The following PLEKHF1 variants were observed in gnomAD, a reference collection of about 807,000 sequenced individuals.
PLEKHF1 encodes the protein pleckstrin homology and FYVE domain containing 1, also known as pleckstrin homology domain-containing family F member 1.
PLEKHF1 carries 1 observed loss-of-function variant against 4.1 expected under a neutral mutation model. The observed-to-expected ratio is 0.24, with a 90% CI of 0.09 to 1.15. The LOEUF (loss-of-function observed/expected upper bound fraction) is 1.15. PLEKHF1 is among the 50% of genes most tolerant of loss of function. The probability of loss-of-function intolerance (pLI) is 0.52; values close to 1 mark genes in which losing one functional copy is unlikely to be tolerated. For missense variants in PLEKHF1, 429 were observed against 400.6 expected (o/e 1.07, Z -0.60); for synonymous variants, 182 against 178.5 (o/e 1.02, Z -0.16).
intron 1 of PLEKHF1, among the ~76,000 whole-genome samples, chr19:29,668,537 G>C (rs1029942658): frequency 6.6e-6 from 1 of 151,912 alleles, no homozygotes; most frequent in Non-Finnish European, 1.5e-5. Context: ...CTAAGCAACA[G>C]AGTGAACCCT....
chr19:29,674,308 A>G lies in PLEKHF1; in HGVS notation c.469A>G (p.Ile157Val). 6.3e-7 allele frequency: 1 copy of G among 1,589,368 alleles called. No homozygotes were observed. Among genetic ancestry groups the G allele is most frequent in the Non-Finnish European group, 8.5e-7 (1 of 1,174,470 alleles). The change falls in exon 2 of 2, where the codon ATC becomes GTC. Residue 157 changes from isoleucine to valine, a missense_variant. Coordinates refer to ENST00000436066, the MANE Select transcript of PLEKHF1 (RefSeq NM_024310.5). ...APWIPDKATD[I>V]CMRCTQTRFS... is the part of the protein sequence containing the mutation. Reference sequence around the variant, plus strand: ...CTGGATCCCCGACAAGGCCACGGACATCTGCATGCGCTGCACGCAGACGCG... The same window carrying G: ...CTGGATCCCCGACAAGGCCACGGACGTCTGCATGCGCTGCACGCAGACGCG...
At position 29,670,827 on chromosome 19, in the gene PLEKHF1, G is replaced by A. The variant is rs568047293; in HGVS notation, c.-16-2997G>A. On this transcript the variant is annotated intron_variant, in intron 1 of 1. Transcript: ENST00000436066. ...CGAGTAGCTGGGACTACAGGCGCTC[G>A]CCACCACACCAGGCTAATTTTTTGT... Among the ~76,000 whole-genome samples the A allele has an allele frequency of 1.4e-4, 21 of 152,066 alleles. No individual in the cohort carries two copies. The South Asian group carries it at 4.1e-3, about 30-fold the overall frequency.
In PLEKHF1 at chr19:29,674,062, C is replaced by G. The variant is rs779103546; in HGVS notation, c.223C>G (p.Arg75Gly). ...CATCGTGCTCAACAAGCGCAAGTAC[C>G]GCAGCCAGCACATCATCCCCCTGGA... is the stretch of plus-strand genomic sequence containing the variant. ...GSIVLNKRKYRSQHIIPLEEV... is the reference protein window; with the variant it reads ...GSIVLNKRKYGSQHIIPLEEV... The change falls in exon 2 of 2, where the codon CGC (arginine) becomes GGC (glycine). Residue 75 changes from arginine (R) to glycine (G), a missense_variant. Coordinates refer to ENST00000436066, the MANE Select transcript of PLEKHF1 (RefSeq NM_024310.5). 1 of 1,614,098 alleles carries G rather than the reference C, an allele frequency of 6.2e-7. No individual in the cohort carries two copies. The highest frequency in any genetic ancestry group is 8.5e-7 in the Non-Finnish European group (1 of 1,180,000).
In PLEKHF1 at chr19:29,665,488, G is replaced by C. The variant is rs1011449594; in HGVS notation, c.-34G>C. The C allele has an allele frequency of 1.8e-6, 2 of 1,133,854 alleles. No individual in the cohort carries two copies. The highest frequency in any genetic ancestry group is 3.4e-5 in the African/African-American group (2 of 58,790). The allele number at this position is 1,133,854 out of a possible 1,614,324, so 70.2% of individuals were successfully genotyped here. ...TGCGGTGTGGACTCGAGGGCTGGGC[G>C]CGGGGCCGGCGCAGAAGGTGAGTCC... On this transcript the variant is annotated 5_prime_UTR_variant, in exon 1 of 2. Coordinates refer to ENST00000436066, the MANE Select transcript of PLEKHF1 (RefSeq NM_024310.5).
Position 29,673,934 on chromosome 19 carries a change from C to G in PLEKHF1, c.95C>G (p.Pro32Arg), listed in dbSNP as rs373632203. ...FGASGQPLAL[P>R]GRVLLGEGVL... is the part of the protein sequence containing the mutation. ...GCCTCGGGGCAGCCGCTGGCGCTGC[C>G]AGGCCGAGTGCTGCTGGGCGAGGGC... The change falls in exon 2 of 2, where the codon CCA becomes CGA. Residue 32 changes from proline (P) to arginine (R), a missense_variant. Transcript: ENST00000436066. 213 of 1,613,374 alleles carry G rather than the reference C, an allele frequency of 1.3e-4. No individual in the cohort carries two copies. The highest frequency in any genetic ancestry group is 1.7e-4 in the Non-Finnish European group (205 of 1,179,812).
At position 29,674,938 on chromosome 19, in the gene PLEKHF1, G is replaced by A; in HGVS notation, c.*259G>A. 4.1e-6 allele frequency: 2 copies of A among 486,992 alleles called. No homozygotes were observed. The highest frequency in any genetic ancestry group is 7.2e-6 in the Non-Finnish European group (2 of 276,812). The allele number at this position is 486,992 out of a possible 1,614,324, so 30.2% of individuals were successfully genotyped here. Reference sequence around the variant, plus strand: ...GGTAACAAACGCCACCTTACACTCTGCAGGCTGCAGCGGCAGCTCCAGATG... The same window carrying A: ...GGTAACAAACGCCACCTTACACTCTACAGGCTGCAGCGGCAGCTCCAGATG... On this transcript the variant is annotated 3_prime_UTR_variant, in exon 2 of 2. Transcript: ENST00000436066.
intron 1 of PLEKHF1, among the ~76,000 whole-genome samples, chr19:29,666,438 A>C (rs1971570384): frequency 6.6e-6 from 1 of 152,146 alleles, no homozygotes; most frequent in Admixed American, 6.5e-5. Context: ...GGGCTGCCAA[A>C]ACACAGGCCA....
chr19:29,672,817 G>C (rs1487538668), intron 1 of PLEKHF1, among the ~76,000 whole-genome samples: 2 of 152,140 alleles, frequency 1.3e-5, no homozygotes, highest in Non-Finnish European at 2.9e-5. Flanking sequence ...CTAGAGCTTG[G>C]AGAGGCCAAG....
chr19:29,670,544 T>C (rs114378370), intron 1 of PLEKHF1, among the ~76,000 whole-genome samples: 3,137 of 152,282 alleles, frequency 0.021, 95 homozygotes, highest in African/African-American at 0.072. Flanking sequence ...GACGTTTGAG[T>C]TGCTTCCACC....
Position 29,671,987 on chromosome 19 carries a change from G to A in PLEKHF1, c.-16-1837G>A, listed in dbSNP as rs1255776375. 6.6e-6 allele frequency among the ~76,000 whole-genome samples: 1 copy of A among 151,896 alleles called. No individual in the cohort carries two copies. The highest frequency in any genetic ancestry group is 2.4e-5 in the African/African-American group (1 of 41,336). ...GGCCTTGGGACCTGCTTGGAACCGT[G>A]CCAAGCTACTTATGAAGCATCTAGT... On this transcript the variant is annotated intron_variant, in intron 1 of 1. Transcript: ENST00000436066. This position sits in a 1 kb window ranked among gnomAD's most constrained non-coding sequence, Gnocchi z 4.0.
chr19:29,665,612 G>T (rs907212222), intron 1 of PLEKHF1, 107 bp downstream of exon 1: 71 of 1,189,436 alleles, frequency 6.0e-5, no homozygotes, highest in Non-Finnish European at 7.0e-5. Context: ...CCCGCCGCGC[G>T]GTCTTGGCGG....
At chr19:29,668,417 A>T (rs769967495) in intron 1 of PLEKHF1, among the ~76,000 whole-genome samples, 1 of 124,098 alleles carries the variant, frequency 8.1e-6, no homozygotes, top group South Asian at 2.6e-4. Flanking sequence ...GAGAACAATT[A>T]AAAAAAAAAA....
At chr19:29,669,316 C>T (rs74724747) in intron 1 of PLEKHF1, among the ~76,000 whole-genome samples, 2,077 of 152,328 alleles carry the variant, frequency 0.014, 71 homozygotes, top group East Asian at 0.099. Flanking sequence ...CCCAGGGTTG[C>T]GGGAGGGCTA....
In PLEKHF1 at chr19:29,671,928, C is replaced by G. The variant is rs2145588917; in HGVS notation, c.-16-1896C>G. On this transcript the variant is annotated intron_variant, in intron 1 of 1. Coordinates refer to ENST00000436066, the MANE Select transcript of PLEKHF1 (RefSeq NM_024310.5). The surrounding 1 kb of genome is among the most constrained non-coding windows in gnomAD (Gnocchi z 4.0). ...TGGTGGGGCCAGCTCTCACCTCTTC[C>G]TCTGTAGAGGTAAGAGCTGAGTCAT... Among the ~76,000 whole-genome samples the G allele has an allele frequency of 6.6e-6, 1 of 151,846 alleles. No individual in the cohort carries two copies. Among genetic ancestry groups the G allele is most frequent in the Admixed American group, 6.6e-5 (1 of 15,180 alleles).
intron 1 of PLEKHF1, chr19:29,665,709 C>T: frequency 1.8e-6 from 2 of 1,105,370 alleles, no homozygotes; most frequent in South Asian, 3.7e-5. Flanking sequence ...GCGGGGTGAA[C>T]CTGCAGGGAG....
intron 1 of PLEKHF1, 72 bp from the exon 2 acceptor site, chr19:29,673,752 G>C: frequency 6.5e-7 from 1 of 1,537,748 alleles, no homozygotes; most frequent in Admixed American, 1.9e-5. Flanking sequence ...TAGTCAGTTG[G>C]GGGTGGGCAG....
chr19:29,673,780 C>G (rs1406019707), intron 1 of PLEKHF1, 44 bp from the exon 2 acceptor site: 6 of 1,553,830 alleles, frequency 3.9e-6, no homozygotes, highest in Admixed American at 1.8e-5. Context: ...CTGACACCCC[C>G]ATGCCTGAGC....
At position 29,673,999 on chromosome 19, in the gene PLEKHF1, ATCT is replaced by A. The variant is rs1426165447; in HGVS notation, c.166_168del (p.Phe56del). On this transcript the variant is annotated inframe_deletion, in exon 2 of 2. Coordinates refer to ENST00000436066, the MANE Select transcript of PLEKHF1 (RefSeq NM_024310.5). ...GTGCCGCAAGAAGGCCAAGCCGCGC[ATCT>A]TCTTCCTCTTTAACGACATCCTGGT... is the stretch of plus-strand genomic sequence containing the variant. 1.9e-6 allele frequency: 3 copies of A among 1,614,094 alleles called. No individual in the cohort carries two copies. In the Admixed American group the frequency reaches 5.0e-5, roughly 27 times the overall value.
chr19:29,668,246 C>T (rs1971591770), intron 1 of PLEKHF1, among the ~76,000 whole-genome samples: 2 of 152,204 alleles, frequency 1.3e-5, no homozygotes, highest in African/African-American at 4.8e-5. Flanking sequence ...TACCAGCAGC[C>T]CTGGGGCCAC....
Sources: gnomAD v4.1 joint callset for allele counts (sites outside exome capture counted in the v4.1 genomes callset) on GRCh38, gnomAD v4.1.1 for gene constraint, Gnocchi (gnomAD v3.1) non-coding constraint, MANE v1.5 for transcripts, NCBI Gene and HGNC (gene_info 2026-07-23, HGNC 2026-07-21) for gene names.